Variants in SERGEF observed in about 807,000 individuals in gnomAD.
SERGEF encodes the protein secretion regulating guanine nucleotide exchange factor.
Under a neutral mutation model 50.0 loss-of-function variants are expected in SERGEF, and 51 were observed. That is an observed-to-expected ratio of 1.02 (90% CI 0.81 to 1.29). The LOEUF is 1.29. SERGEF is among the 50% of genes most tolerant of loss of function. SERGEF has a pLI of 0.00. For missense variants in SERGEF, 521 were observed against 557.0 expected (o/e 0.94, Z 0.65); for synonymous variants, 205 against 212.4 (o/e 0.97, Z 0.30).
intron 9 of SERGEF, among the ~76,000 whole-genome samples, chr11:17,946,129 A>G (rs1852656144): frequency 6.6e-6 from 1 of 152,220 alleles, no homozygotes; most frequent in East Asian, 1.9e-4. Flanking sequence ...TAGGAAAGTG[A>G]GGCTCAGAGA....
chr11:17,899,524 A>G (rs1241149689), intron 9 of SERGEF, among the ~76,000 whole-genome samples: 2 of 152,218 alleles, frequency 1.3e-5, no homozygotes, highest in Admixed American at 6.5e-5. Flanking sequence ...ACCTATTAAT[A>G]TATCACCATA....
At chr11:17,977,500 G>C (rs781244187) in intron 8 of SERGEF, among the ~76,000 whole-genome samples, 2 of 152,110 alleles carry the variant, frequency 1.3e-5, no homozygotes, top group African/African-American at 4.8e-5. Context: ...GCCCTTTCCT[G>C]CTTCAAAGGC....
At chr11:17,849,670 A>C (rs1850676728) in intron 10 of SERGEF, among the ~76,000 whole-genome samples, 1 of 152,208 alleles carries the variant, frequency 6.6e-6, no homozygotes. Context: ...GACCAGGCAC[A>C]ATGCTGGTTG....
intron 10 of SERGEF, among the ~76,000 whole-genome samples, chr11:17,817,619 A>G (rs1052093017): frequency 2.0e-5 from 3 of 152,214 alleles, no homozygotes; most frequent in Non-Finnish European, 4.4e-5. Context: ...AGATTAAATT[A>G]TTTGATCAAT....
intron 9 of SERGEF, among the ~76,000 whole-genome samples, chr11:17,883,989 C>A (rs16934782): frequency 0.058 from 8,847 of 152,148 alleles, 876 homozygotes; most frequent in African/African-American, 0.2. Context: ...CACCGGGTTG[C>A]GGACCAGAAC....
chr11:17,939,214 G>A (rs142859835), intron 9 of SERGEF, among the ~76,000 whole-genome samples: 201 of 152,274 alleles, frequency 1.3e-3, no homozygotes, highest in African/African-American at 4.6e-3. Flanking sequence ...GAGAACAAGA[G>A]GGGAAGGTTG....
chr11:17,895,315 G>C (rs750630181), intron 9 of SERGEF, among the ~76,000 whole-genome samples: 1 of 152,224 alleles, frequency 6.6e-6, no homozygotes, highest in Non-Finnish European at 1.5e-5. Context: ...ATGTGACAGA[G>C]AGATCAAAGC....
intron 10 of SERGEF, chr11:17,855,900 G>A (rs1276936672): frequency 1.3e-5 from 2 of 152,196 alleles, no homozygotes; most frequent in Admixed American, 1.3e-4. Context: ...TACAGATGAA[G>A]ATTGGGAACA....
At chr11:17,930,682 C>A (rs558639760) in intron 9 of SERGEF, among the ~76,000 whole-genome samples, 29 of 152,322 alleles carry the variant, frequency 1.9e-4, no homozygotes, top group African/African-American at 6.7e-4. Context: ...CAACACAGCA[C>A]AACAGGAGGA....
chr11:17,812,459 C>T (rs1223420874), intron 10 of SERGEF, among the ~76,000 whole-genome samples: 1 of 152,186 alleles, frequency 6.6e-6, no homozygotes, highest in Non-Finnish European at 1.5e-5. Flanking sequence ...TAAAGCTCCA[C>T]CAGGGTTAGA....
chr11:17,971,806 G>A (rs1019154888), intron 8 of SERGEF, among the ~76,000 whole-genome samples: 32 of 152,188 alleles, frequency 2.1e-4, no homozygotes, highest in Non-Finnish European at 4.0e-4. Context: ...TTCCTCTGAT[G>A]GATATGGGCA....
At chr11:17,971,445 T>C (rs565241597) in intron 8 of SERGEF, among the ~76,000 whole-genome samples, 163 of 152,254 alleles carry the variant, frequency 1.1e-3, no homozygotes, top group African/African-American at 3.8e-3. Flanking sequence ...ATTCCAAAAA[T>C]CCTAGGGCAC....
At chr11:17,826,449 T>A (rs1466384914) in intron 10 of SERGEF, among the ~76,000 whole-genome samples, 2 of 152,200 alleles carry the variant, frequency 1.3e-5, no homozygotes, top group Non-Finnish European at 2.9e-5. Flanking sequence ...AGGCTCTTTT[T>A]AACCTCCATT....
chr11:17,851,131 T>C (rs1320641348), intron 10 of SERGEF, among the ~76,000 whole-genome samples: 2 of 152,250 alleles, frequency 1.3e-5, no homozygotes, highest in African/African-American at 2.4e-5. Flanking sequence ...TGTATATATC[T>C]GTACCGTGTG....
rs1565215725 is a variant in SERGEF at position 17,959,647 on chromosome 11, ATAT to A, written c.845-14_845-12del. ...ACATCTTGCCAGTTTCTAAAAACAAATATTATTTGAATTAAGACTACATTCCAC... is the reference window on the plus strand; with the variant it reads ...ACATCTTGCCAGTTTCTAAAAACAAATATTTGAATTAAGACTACATTCCAC... On this transcript the variant is annotated splice_polypyrimidine_tract_variant and intron_variant, in intron 8 of 10. Transcript: ENST00000265965. The A allele has an allele frequency of 2.5e-6, 4 of 1,605,728 alleles. No individual in the cohort carries two copies. The Admixed American group carries it at 5.1e-5, about 21-fold the overall frequency.
intron 10 of SERGEF, among the ~76,000 whole-genome samples, chr11:17,857,524 C>T (rs963149521): frequency 6.6e-6 from 1 of 152,194 alleles, no homozygotes; most frequent in Admixed American, 6.5e-5. Flanking sequence ...TATTTTTCCC[C>T]CTTCTTGCTA....
intron 1 of SERGEF, among the ~76,000 whole-genome samples, chr11:18,009,530 T>C (rs1854154170): frequency 6.6e-6 from 1 of 152,192 alleles, no homozygotes; most frequent in South Asian, 2.1e-4. Context: ...AAACCAACAA[T>C]GACTCTGGAA....
In SERGEF at chr11:18,006,656, T is replaced by C; in HGVS notation, c.287A>G (p.Lys96Arg). ...TTGGATGGGACAGCCAAAGAGGGAT[T>C]TGCAGGGGGTAAAATATGGGATATC... ...TEDIPYFTPC[K>R]SLFGCPIQQV... Residue 96 changes from lysine to arginine, a missense_variant, in exon 3 of 11, where the codon AAA becomes AGA. Physicochemically the swap from Lys to Arg is conservative, Grantham distance 26 (BLOSUM62 2). Transcript: ENST00000265965. 1 of 1,614,100 alleles carries C rather than the reference T, an allele frequency of 6.2e-7. No homozygotes were observed. Among genetic ancestry groups the C allele is most frequent in the Non-Finnish European group, 8.5e-7 (1 of 1,180,010 alleles).
At chr11:18,012,647 G>C (rs1854220421) in intron 1 of SERGEF, 1 of 1,159,336 alleles carries the variant, frequency 8.6e-7, no homozygotes, top group Non-Finnish European at 1.1e-6. Context: ...GGCGCTATTC[G>C]GGCTGGAGGG....
Sources: gnomAD v4.1 joint callset for allele counts (sites outside exome capture counted in the v4.1 genomes callset) on GRCh38, gnomAD v4.1.1 for gene constraint, MANE v1.5 for transcripts, NCBI Gene and HGNC (gene_info 2026-07-23, HGNC 2026-07-21) for gene names.